MAP3K13: variants seen among roughly 807,000 people sequenced by gnomAD.
MAP3K13 encodes mitogen-activated protein kinase kinase kinase 13.
MAP3K13 carries 52 observed loss-of-function variants against 104.0 expected under a neutral mutation model. The ratio of observed to expected loss-of-function variants is 0.50; its 90% CI spans 0.40 to 0.63. The LOEUF is 0.63. Among genes scored for constraint, MAP3K13 ranks in the 20% least tolerant of loss-of-function variants. The pLI is 0.00. For synonymous variants in MAP3K13, 394 were observed against 442.2 expected, an observed-to-expected ratio of 0.89 and a Z score of 1.37; for missense variants, 914 against 1,218.5, an observed-to-expected ratio of 0.75 and a Z score of 3.72.
At chr3:185,440,374 T>A (rs957757827) in intron 3 of MAP3K13, among the ~76,000 whole-genome samples, 4 of 152,108 alleles carry the variant, frequency 2.6e-5, no homozygotes, top group African/African-American at 9.7e-5. Flanking sequence ...TAAAACATAG[T>A]CGAATAGGAG....
At chr3:185,421,296 C>G (rs903895656) in intron 1 of MAP3K13, among the ~76,000 whole-genome samples, 1 of 152,038 alleles carries the variant, frequency 6.6e-6, no homozygotes, top group Non-Finnish European at 1.5e-5. Context: ...TGCCTGGGTT[C>G]AAGCAATTCT....
intron 2 of MAP3K13, among the ~76,000 whole-genome samples, chr3:185,431,654 G>A (rs1411947903): frequency 6.6e-6 from 1 of 152,068 alleles, no homozygotes; most frequent in East Asian, 1.9e-4. Flanking sequence ...TAGACTCTGG[G>A]ACCCTCCCCT....
intron 2 of MAP3K13, among the ~76,000 whole-genome samples, chr3:185,290,234 A>T (rs949995682): frequency 3.3e-5 from 5 of 152,122 alleles, no homozygotes; most frequent in African/African-American, 7.2e-5. Flanking sequence ...AAAAAACTTT[A>T]AAAAAATTAT....
At chr3:185,378,179 T>A (rs1297701406) in intron 1 of MAP3K13, among the ~76,000 whole-genome samples, 1 of 152,228 alleles carries the variant, frequency 6.6e-6, no homozygotes, top group Non-Finnish European at 1.5e-5. Flanking sequence ...AAGGCGAGGT[T>A]AATTAAGTCC....
chr3:185,480,655 T>C, intron 13 of MAP3K13, 126 bp downstream of exon 13: 3 of 970,078 alleles, frequency 3.1e-6, no homozygotes, highest in Non-Finnish European at 4.5e-6. Context: ...TTAGTCTGTT[T>C]TCACACTGCT....
At chr3:185,318,021 C>T (rs1331179943) in intron 2 of MAP3K13, among the ~76,000 whole-genome samples, 2 of 150,704 alleles carry the variant, frequency 1.3e-5, no homozygotes, top group African/African-American at 4.9e-5. Flanking sequence ...AACCTATCTG[C>T]TTTTAAGTGG....
chr3:185,459,338 A>C (rs1716956540), intron 7 of MAP3K13, among the ~76,000 whole-genome samples: 1 of 150,934 alleles, frequency 6.6e-6, no homozygotes, highest in Non-Finnish European at 1.5e-5. Flanking sequence ...TTGCTTCTCT[A>C]CTCCTTAAGC....
At chr3:185,383,558 T>G (rs1711516981) in intron 1 of MAP3K13, among the ~76,000 whole-genome samples, 1 of 119,738 alleles carries the variant, frequency 8.4e-6, no homozygotes, top group African/African-American at 3.2e-5. Flanking sequence ...TGAGACTCTG[T>G]CTCAAAAAAA....
intron 8 of MAP3K13, 35 bp downstream of exon 8, chr3:185,463,694 C>T (rs1447066761): frequency 5.4e-6 from 7 of 1,299,728 alleles, no homozygotes; most frequent in African/African-American, 2.9e-5. Flanking sequence ...CTCCCTTCAT[C>T]CCCAGGTCTT....
chr3:185,355,738 C>A (rs1430138039), intron 2 of MAP3K13, among the ~76,000 whole-genome samples: 1 of 151,788 alleles, frequency 6.6e-6, no homozygotes, highest in African/African-American at 2.4e-5. Context: ...CTTTTATAAC[C>A]TTTGAATAGA....
Position 185,370,908 on chromosome 3 carries a change from C to T in MAP3K13, c.-86+7540C>T, listed in dbSNP as rs546610817. 2.6e-5 allele frequency among the ~76,000 whole-genome samples: 4 copies of T among 152,228 alleles called. No homozygotes were observed. In the East Asian group the frequency reaches 5.8e-4, roughly 22 times the overall value. Reference sequence around the variant, plus strand: ...CTCCTAACAAAATTCATCCTATTACCTCTTTCTGCCCATCTCTCACTACCT... The same window carrying T: ...CTCCTAACAAAATTCATCCTATTACTTCTTTCTGCCCATCTCTCACTACCT... On this transcript the variant is annotated intron_variant, in intron 1 of 13. Coordinates refer to ENST00000265026, the MANE Select transcript of MAP3K13 (RefSeq NM_004721.5).
intron 10 of MAP3K13, among the ~76,000 whole-genome samples, chr3:185,470,302 C>T (rs1375132450): frequency 6.6e-6 from 1 of 152,150 alleles, no homozygotes; most frequent in Non-Finnish European, 1.5e-5. Flanking sequence ...AGGCTCTGCC[C>T]TGAATCAGTT....
intron 2 of MAP3K13, among the ~76,000 whole-genome samples, chr3:185,336,317 A>G (rs1467007526): frequency 6.6e-6 from 1 of 152,072 alleles, no homozygotes; most frequent in Non-Finnish European, 1.5e-5. Flanking sequence ...TGAGGTGGGC[A>G]GATAGCTTGA....
At chr3:185,308,742 A>C (rs548260193) in intron 2 of MAP3K13, among the ~76,000 whole-genome samples, 11 of 152,070 alleles carry the variant, frequency 7.2e-5, no homozygotes, top group Admixed American at 5.2e-4. Context: ...TGCACATTCT[A>C]TCCTTTTCTT....
intron 2 of MAP3K13, among the ~76,000 whole-genome samples, chr3:185,437,213 G>A (rs945491887): frequency 6.6e-6 from 1 of 151,918 alleles, no homozygotes; most frequent in Non-Finnish European, 1.5e-5. Context: ...TTGGAGGAAG[G>A]TATATTGGAG....
At chr3:185,309,707 TG>T (rs1472841755) in intron 2 of MAP3K13, among the ~76,000 whole-genome samples, 1 of 152,150 alleles carries the variant, frequency 6.6e-6, no homozygotes, top group Non-Finnish European at 1.5e-5. Context: ...TCACTGATTA[TG>T]GGGGCAGGGT....
intron 2 of MAP3K13, among the ~76,000 whole-genome samples, chr3:185,433,152 T>A (rs1338100475): frequency 6.6e-6 from 1 of 152,246 alleles, no homozygotes; most frequent in Non-Finnish European, 1.5e-5. Context: ...CAATTTAATC[T>A]TTTATTGTCA....
At chr3:185,467,512 C>T (rs938379008) in intron 10 of MAP3K13, among the ~76,000 whole-genome samples, 50 of 152,230 alleles carry the variant, frequency 3.3e-4, no homozygotes, top group Admixed American at 2.2e-3. Context: ...TGACTGGGTG[C>T]GGTGGCTCAC....
chr3:185,334,432 C>G (rs1722396049), intron 2 of MAP3K13, among the ~76,000 whole-genome samples: 1 of 151,944 alleles, frequency 6.6e-6, no homozygotes, highest in Admixed American at 6.6e-5. Flanking sequence ...AAACAATAAT[C>G]AAGACAGTGT....
Sources: allele counts gnomAD v4.1 joint callset (sites outside exome capture counted in the v4.1 genomes callset), GRCh38; gene constraint gnomAD v4.1.1; transcripts MANE v1.5; gene names NCBI Gene and HGNC (gene_info 2026-07-23, HGNC 2026-07-21).